PPM1H: variants seen among roughly 807,000 people sequenced by gnomAD.
PPM1H encodes the protein protein phosphatase 1H.
Under a neutral mutation model 54.9 loss-of-function variants are expected in PPM1H, and 27 were observed. The ratio of observed to expected loss-of-function variants is 0.49; its 90% CI spans 0.36 to 0.68. The LOEUF is 0.68. Among genes scored for constraint, PPM1H ranks in the 30% least tolerant of loss-of-function variants. The pLI, the probability that PPM1H is intolerant of heterozygous loss-of-function variation, is 0.00. For synonymous variants in PPM1H, 305 were observed against 270.8 expected, an observed-to-expected ratio of 1.13 and a Z score of -1.24; for missense variants, 596 against 667.8, an observed-to-expected ratio of 0.89 and a Z score of 1.19.
At chr12:62,826,900 T>C (rs1365673088) in intron 2 of PPM1H, among the ~76,000 whole-genome samples, 4 of 152,216 alleles carry the variant, frequency 2.6e-5, no homozygotes, top group African/African-American at 9.6e-5. Flanking sequence ...TGTCCACTTT[T>C]CCCATCCTTA....
chr12:62,699,582 G>T (rs1360557316), intron 6 of PPM1H, among the ~76,000 whole-genome samples: 1 of 152,220 alleles, frequency 6.6e-6, no homozygotes, highest in Non-Finnish European at 1.5e-5. Context: ...AGACTCAACA[G>T]TAGAGGGTGG....
chr12:62,730,256 T>C (rs547275989), intron 5 of PPM1H, among the ~76,000 whole-genome samples: 1 of 152,340 alleles, frequency 6.6e-6, no homozygotes, highest in South Asian at 2.1e-4. Context: ...TGGAGGCACA[T>C]GGAAGTTTCC....
chr12:62,862,226 CG>C (rs1869627863), intron 1 of PPM1H, among the ~76,000 whole-genome samples: 1 of 152,024 alleles, frequency 6.6e-6, no homozygotes, highest in South Asian at 2.1e-4. Flanking sequence ...ATGGAGAAGT[CG>C]GGGGTTAGGA....
intron 4 of PPM1H, among the ~76,000 whole-genome samples, chr12:62,770,612 G>C (rs2076573254): frequency 6.6e-6 from 1 of 152,020 alleles, no homozygotes; most frequent in Non-Finnish European, 1.5e-5. Context: ...AGGACCATGT[G>C]TCTTTGAAAT....
At chr12:62,825,598 C>T (rs771045285) in intron 2 of PPM1H, among the ~76,000 whole-genome samples, 3 of 152,080 alleles carry the variant, frequency 2.0e-5, no homozygotes, top group Non-Finnish European at 4.4e-5. Context: ...ATGGATGAAA[C>T]TGGAAACCAT....
chr12:62,882,588 T>C (rs985910893), intron 1 of PPM1H, among the ~76,000 whole-genome samples: 1 of 152,218 alleles, frequency 6.6e-6, no homozygotes, highest in Admixed American at 6.5e-5. Context: ...ATCCCTTTCG[T>C]TGCAAGGACA....
chr12:62,853,517 A>G (rs761133736), intron 1 of PPM1H, among the ~76,000 whole-genome samples: 1 of 152,242 alleles, frequency 6.6e-6, no homozygotes, highest in African/African-American at 2.4e-5. Context: ...AGGAGTTTCA[A>G]TGCACATATA....
At chr12:62,821,420 A>G (rs187064079) in intron 2 of PPM1H, among the ~76,000 whole-genome samples, 155 of 152,276 alleles carry the variant, frequency 1.0e-3, no homozygotes, top group Non-Finnish European at 1.8e-3. Flanking sequence ...AAATACAGAG[A>G]CCACCACAAA....
At chr12:62,702,829 G>A (rs1050528217) in intron 6 of PPM1H, among the ~76,000 whole-genome samples, 1 of 152,108 alleles carries the variant, frequency 6.6e-6, no homozygotes, top group Non-Finnish European at 1.5e-5. Flanking sequence ...CTTCCTTCCT[G>A]GAGTCTCTCT....
At chr12:62,882,723 C>T (rs1033531669) in intron 1 of PPM1H, among the ~76,000 whole-genome samples, 1 of 152,218 alleles carries the variant, frequency 6.6e-6, no homozygotes, top group East Asian at 1.9e-4. Context: ...GTTTTCTGTG[C>T]TTTCTGGTAT....
In PPM1H at chr12:62,647,002, CA is replaced by C. The variant is rs933809152; in HGVS notation, c.*1486del. 1 of 152,142 alleles carries C rather than the reference CA, an allele frequency of 6.6e-6. No homozygotes were observed. The highest frequency in any genetic ancestry group is 1.5e-5 in the Non-Finnish European group (1 of 68,032). 9.4% of individuals were successfully genotyped at this position (152,142 alleles called of 1,614,324 possible). A position where few individuals can be genotyped will look rare whatever the true frequency, so the allele number is the denominator to read the frequency against. On this transcript the variant is annotated 3_prime_UTR_variant, in exon 10 of 10. Transcript: ENST00000228705. The stretch of plus-strand genomic sequence containing the variant: ...GGGTCAGAAGAGTGTTTTAATTACT[CA>C]AAGTTGTCAAAATGGTGGCAATACC...
At chr12:62,670,909 C>T (rs2075953194) in intron 8 of PPM1H, among the ~76,000 whole-genome samples, 1 of 152,182 alleles carries the variant, frequency 6.6e-6, no homozygotes, top group African/African-American at 2.4e-5. Context: ...TCTTTGCTAA[C>T]TTTCCACTTA....
chr12:62,916,050 C>T (rs1206369843), intron 1 of PPM1H, among the ~76,000 whole-genome samples: 1 of 152,176 alleles, frequency 6.6e-6, no homozygotes, highest in Non-Finnish European at 1.5e-5. Flanking sequence ...GTTCCCAGCA[C>T]ATGTGATCAA....
At chr12:62,699,377 T>C (rs1203220648) in intron 6 of PPM1H, among the ~76,000 whole-genome samples, 1 of 152,016 alleles carries the variant, frequency 6.6e-6, no homozygotes, top group East Asian at 1.9e-4. Flanking sequence ...TTTGTATTTT[T>C]AGTAGAAACG....
rs112283503 is a variant in PPM1H, at chr12:62,658,376, C to T, written c.1397+8802G>A. Among the ~76,000 whole-genome samples the T allele has an allele frequency of 2.6e-4, 39 of 152,074 alleles. 1 individual carries two copies. Among genetic ancestry groups the T allele is most frequent in the African/African-American group, 8.7e-4 (36 of 41,446 alleles). On this transcript the variant is annotated intron_variant, in intron 9 of 9. Transcript: ENST00000228705. ...CTCTTGGCTTTGCCCACTCCCTTCC[C>T]CTTCAGTAATAGTAACAATTTATTC...
Position 62,715,632 on chromosome 12 carries a change from C to T in PPM1H, c.1073+4539G>A, listed in dbSNP as rs75807612. On this transcript the variant is annotated intron_variant, in intron 6 of 9. Transcript: ENST00000228705. ...AACAGACTCATCCTTAATTATGAGA[C>T]AAGCCTTCCCAGAGCTGACATCCTC... 3.6e-3 allele frequency among the ~76,000 whole-genome samples: 546 copies of T among 152,260 alleles called. 4 individuals are homozygous for T. The highest frequency in any genetic ancestry group is 0.013 in the African/African-American group (520 of 41,552).
At chr12:62,690,558 T>C (rs2076076990) in intron 7 of PPM1H, among the ~76,000 whole-genome samples, 1 of 152,178 alleles carries the variant, frequency 6.6e-6, no homozygotes, top group Non-Finnish European at 1.5e-5. Flanking sequence ...GCCTACACAG[T>C]CAGCTTAAAT....
At chr12:62,878,897 G>A (rs1870283596) in intron 1 of PPM1H, among the ~76,000 whole-genome samples, 2 of 152,040 alleles carry the variant, frequency 1.3e-5, no homozygotes, top group Admixed American at 1.3e-4. Context: ...CAGAGATCGC[G>A]CCACTGCACT....
intron 6 of PPM1H, among the ~76,000 whole-genome samples, chr12:62,714,061 T>C (rs550146950): frequency 1.3e-5 from 2 of 152,180 alleles, no homozygotes; most frequent in East Asian, 3.9e-4. Flanking sequence ...CATTCCCAAC[T>C]ATACCCACGC....
Sources: allele counts gnomAD v4.1 joint callset (sites outside exome capture counted in the v4.1 genomes callset), GRCh38; gene constraint gnomAD v4.1.1; transcripts MANE v1.5; gene names NCBI Gene and HGNC (gene_info 2026-07-23, HGNC 2026-07-21).